TLR1: variants seen among roughly 807,000 people sequenced by gnomAD.
TLR1 encodes toll-like receptor 1.
TLR1 carries 19 observed loss-of-function variants against 20.2 expected under a neutral mutation model. That is an observed-to-expected ratio of 0.94 (90% CI 0.66 to 1.38). The LOEUF is 1.38. Ranked by LOEUF, TLR1 falls within the 40% of genes most tolerant of loss-of-function variation. The probability of loss-of-function intolerance (pLI) is 0.00; values close to 1 mark genes in which losing one functional copy is unlikely to be tolerated. For synonymous variants in TLR1, 320 were observed against 334.5 expected (o/e 0.96, Z 0.47); for missense variants, 921 against 910.0 (o/e 1.01, Z -0.16).
In TLR1 at chr4:38,797,041, C is replaced by G. The variant is rs767391851; in HGVS notation, c.1791G>C (p.Val597=). The G allele has an allele frequency of 1.9e-6, 3 of 1,614,132 alleles. No homozygotes were observed. The highest frequency in any genetic ancestry group is 2.5e-6 in the Non-Finnish European group (3 of 1,180,006). The part of the protein sequence containing the change: ...VATMLVLAVT[V]TSLCSYLDLP... ...GATCCAAGTAGCTGCAGAGGGAGGT[C>G]ACAGTCACAGCCAACACCAGCATGG... Residue 597 remains valine, a synonymous_variant, in exon 4 of 4, where the codon GTG becomes GTC. Coordinates refer to ENST00000308979, the MANE Select transcript of TLR1 (RefSeq NM_003263.4).
At position 38,796,433 on chromosome 4, in the gene TLR1, A is replaced by G. The variant is rs1284104727; in HGVS notation, c.*38T>C. Reference sequence around the variant, plus strand: ...ATTGTTGGAACTTCCAAAAGCAGCAATATCAACAGGAGGAATATTTTTCAC... The same window carrying G: ...ATTGTTGGAACTTCCAAAAGCAGCAGTATCAACAGGAGGAATATTTTTCAC... On this transcript the variant is annotated 3_prime_UTR_variant, in exon 4 of 4. Coordinates refer to ENST00000308979, the MANE Select transcript of TLR1 (RefSeq NM_003263.4). 3 of 1,582,788 alleles carry G rather than the reference A, an allele frequency of 1.9e-6. No individual in the cohort carries two copies. The highest frequency in any genetic ancestry group is 2.3e-5 in the South Asian group (2 of 87,690).
At chr4:38,793,410 A>G (rs76416195), downstream of TLR1, among the ~76,000 whole-genome samples, 4,957 of 152,198 alleles carry the variant, frequency 0.033, 303 homozygotes, top group African/African-American at 0.11. Flanking sequence ...TAGAATTGAA[A>G]CCCAGACTTG....
At position 38,796,508 on chromosome 4, in the gene TLR1, G is replaced by A. The variant is rs1397983528; in HGVS notation, c.2324C>T (p.Ala775Val). The A allele has an allele frequency of 1.9e-6, 3 of 1,612,920 alleles. No homozygotes were observed. The highest frequency in any genetic ancestry group is 2.5e-6 in the Non-Finnish European group (3 of 1,179,062). ...RGLFWANLRA[A>V]INIKLTEQAK... ...TTGCTCTGTCAGCTTAATATTAATG[G>A]CTGCCCTTAAGTTAGCCCAAAAAAG... Residue 775 changes from alanine to valine, a missense_variant, in exon 4 of 4, where the codon GCC becomes GTC. Coordinates refer to ENST00000308979, the MANE Select transcript of TLR1 (RefSeq NM_003263.4).
Position 38,796,581 on chromosome 4 carries a change from C to T in TLR1, c.2251G>A (p.Ala751Thr). The T allele has an allele frequency of 1.2e-6, 2 of 1,614,176 alleles. No individual in the cohort carries two copies. Among genetic ancestry groups the T allele is most frequent in the Non-Finnish European group, 1.7e-6 (2 of 1,180,040 alleles). The part of the protein sequence containing the change: ...SSYHKLKSLM[A>T]RRTYLEWPKE... ...GGCCATTCCAAATAAGTCCTCCTGG[C>T]CATGAGACTTTTGAGCTTGTGATAA... Residue 751 changes from alanine (A) to threonine (T), a missense_variant, in exon 4 of 4, where the codon GCC (alanine) becomes ACC (threonine). By Grantham distance (58) the Ala-to-Thr change is moderately conservative. Transcript: ENST00000308979.
downstream of TLR1, among the ~76,000 whole-genome samples, chr4:38,788,821 A>G (rs1232940518): frequency 6.6e-6 from 1 of 152,178 alleles, no homozygotes; most frequent in Non-Finnish European, 1.5e-5. Context: ...AGCCTGGGCA[A>G]CATAGCAAGA....
At position 38,797,161 on chromosome 4, in the gene TLR1, G is replaced by C. The variant is rs530839614; in HGVS notation, c.1671C>G (p.Asp557Glu). ...GGGTTCCTCTATAACTTTCCGGGTA[G>C]TCACACTTATAAGAATCAGGCCAGC... ...LEGWPDSYKCDYPESYRGTLL... is the reference protein window; with the variant it reads ...LEGWPDSYKCEYPESYRGTLL... The change falls in exon 4 of 4, where the codon GAC (aspartate) becomes GAG (glutamate). Residue 557 changes from aspartate (D) to glutamate (E), a missense_variant. Transcript: ENST00000308979. 3.5e-5 allele frequency: 57 copies of C among 1,614,230 alleles called. No individual in the cohort carries two copies. The South Asian group carries it at 6.1e-4, about 17-fold the overall frequency.
At chr4:38,803,661 C>A (rs1726829244) in intron 2 of TLR1, among the ~76,000 whole-genome samples, 1 of 152,160 alleles carries the variant, frequency 6.6e-6, no homozygotes, top group African/African-American at 2.4e-5. Context: ...CTTGCTAAAT[C>A]CATGAAAATC....
At chr4:38,790,687 T>C (rs749333658), downstream of TLR1, 2 of 152,198 alleles carry the variant, frequency 1.3e-5, no homozygotes, top group African/African-American at 4.8e-5. Context: ...TTTTTCTGAT[T>C]CTGGAACACC....
Position 38,798,702 on chromosome 4 carries a change from A to G in TLR1, c.130T>C (p.Ser44Pro), listed in dbSNP as rs76600635. 4,548 of 1,613,952 alleles carry G rather than the reference A, an allele frequency of 2.8e-3. 151 individuals carry two copies. The East Asian group carries it at 0.08, about 28-fold the overall frequency. The change falls in exon 4 of 4, where the codon TCC (serine) becomes CCC (proline). Residue 44 changes from serine to proline, a missense_variant. Coordinates refer to ENST00000308979, the MANE Select transcript of TLR1 (RefSeq NM_003263.4). ...NGLIHVPKDLSQKTTILNISQ... is the reference protein window; with the variant it reads ...NGLIHVPKDLPQKTTILNISQ... ...ATATTTAAGATTGTTGTTTTCTGGG[A>G]TAGGTCTTTAGGAACGTGGATGAGA...
rs1726308097 is a variant in TLR1, at chr4:38,798,252, T to C, written c.580A>G (p.Ile194Val). ...LQDFNTESLHIVFPTNKEFHF... is the reference protein window; with the variant it reads ...LQDFNTESLHVVFPTNKEFHF... ...AATTCTTTGTTTGTGGGGAACACAA[T>C]GTGCAGACTCTCAGTGTTAAAGTCT... The change falls in exon 4 of 4, where the codon ATT becomes GTT. Residue 194 changes from isoleucine (I) to valine (V), a missense_variant. By Grantham distance (29) the Ile-to-Val change is conservative (BLOSUM62 3). Coordinates refer to ENST00000308979, the MANE Select transcript of TLR1 (RefSeq NM_003263.4). 1.9e-6 allele frequency: 3 copies of C among 1,613,266 alleles called. No homozygotes were observed. In the Admixed American group the frequency reaches 5.0e-5, roughly 27 times the overall value.
intron 2 of TLR1, among the ~76,000 whole-genome samples, chr4:38,802,561 G>A (rs1361617747): frequency 1.3e-5 from 2 of 152,248 alleles, no homozygotes; most frequent in Admixed American, 6.5e-5. Flanking sequence ...GGGGAGAAGA[G>A]ACGCAAGACT....
At chr4:38,792,853 T>TATATATATATATATATATATATA (rs1553901909), downstream of TLR1, among the ~76,000 whole-genome samples, 2 of 122,216 alleles carry the variant, frequency 1.6e-5, no homozygotes, top group Admixed American at 8.4e-5. Flanking sequence ...TATTTTCAAA[T>TATATATATATATATATATATATA]TATATATATA....
In TLR1 at chr4:38,797,874, A is replaced by T. The variant is rs767053722; in HGVS notation, c.958T>A (p.Tyr320Asn). 1 of 1,614,040 alleles carries T rather than the reference A, an allele frequency of 6.2e-7. No individual in the cohort carries two copies. Among genetic ancestry groups the T allele is most frequent in the Non-Finnish European group, 8.5e-7 (1 of 1,179,874 alleles). ...DVFGFPQSYIYEIFSNMNIKN... is the reference protein window; with the variant it reads ...DVFGFPQSYINEIFSNMNIKN... ...ATGTTCATATTCGAAAAGATTTCAT[A>T]GATATAACTTTGCGGAAAACCGAAC... Residue 320 changes from tyrosine (Y) to asparagine (N), a missense_variant, in exon 4 of 4, where the codon TAT becomes AAT. Physicochemically the swap from Tyr to Asn is moderately radical, Grantham distance 143. Coordinates refer to ENST00000308979, the MANE Select transcript of TLR1 (RefSeq NM_003263.4).
chr4:38,805,053 G>A (rs1233316445), upstream of TLR1: 1 of 152,198 alleles, frequency 6.6e-6, no homozygotes, highest in Non-Finnish European at 1.5e-5. Flanking sequence ...CACTGATGAA[G>A]TAAATGAGGT....
downstream of TLR1, among the ~76,000 whole-genome samples, chr4:38,793,315 A>G (rs1168093624): frequency 2.0e-5 from 3 of 152,294 alleles, no homozygotes; most frequent in East Asian, 3.9e-4. Flanking sequence ...TAGCTACTCT[A>G]AGACTATATT....
At chr4:38,791,862 C>A (rs1725737751), downstream of TLR1, among the ~76,000 whole-genome samples, 1 of 152,196 alleles carries the variant, frequency 6.6e-6, no homozygotes, top group Non-Finnish European at 1.5e-5. Context: ...CATTTTACGT[C>A]TCCACAGTAA....
chr4:38,798,532 C>A lies in TLR1; in HGVS notation c.300G>T (p.Leu100Phe), dbSNP rs1189792169. Residue 100 changes from leucine (L) to phenylalanine (F), a missense_variant, in exon 4 of 4, where the codon TTG (leucine) becomes TTT (phenylalanine). Transcript: ENST00000308979. ...AAATCTTCACCAACTTGTTGTGGGA[C>A]AAATCCAAGTATTCCAATTCCTGGT... Reference protein sequence around the residue: ...KFNQELEYLDLSHNKLVKISC... With the variant: ...KFNQELEYLDFSHNKLVKISC... 8.7e-6 allele frequency: 14 copies of A among 1,614,052 alleles called. No individual in the cohort carries two copies. The highest frequency in any genetic ancestry group is 1.1e-5 in the Non-Finnish European group (13 of 1,180,028).
intron 3 of TLR1, among the ~76,000 whole-genome samples, chr4:38,799,789 C>A (rs1203260075): frequency 3.9e-5 from 6 of 152,140 alleles, no homozygotes; most frequent in Admixed American, 2.6e-4. Flanking sequence ...GTAATTAGAT[C>A]CTGATAAAAG....
Position 38,798,205 on chromosome 4 carries a change from T to G in TLR1, c.627A>C (p.Ser209=), listed in dbSNP as rs773067916. 2.5e-6 allele frequency: 4 copies of G among 1,613,928 alleles called. No individual in the cohort carries two copies. The highest frequency in any genetic ancestry group is 3.4e-6 in the Non-Finnish European group (4 of 1,179,940). Residue 209 remains serine (S), a synonymous_variant, in exon 4 of 4, where the codon TCA becomes TCC. Coordinates refer to ENST00000308979, the MANE Select transcript of TLR1 (RefSeq NM_003263.4). ...NKEFHFILDV[S]VKTVANLELS... ...GTTCCAGATTTGCTACAGTCTTGAC[T>G]GACACATCCAAAATAAAATGGAATT...
Sources: gnomAD v4.1 joint callset for allele counts (sites outside exome capture counted in the v4.1 genomes callset) on GRCh38, gnomAD v4.1.1 for gene constraint, MANE v1.5 for transcripts, NCBI Gene and HGNC (gene_info 2026-07-23, HGNC 2026-07-21) for gene names.